The following LIPI variants were observed in gnomAD, a reference collection of about 807,000 sequenced individuals.
The protein encoded by LIPI is lipase member I.
A neutral mutation model predicts 50.6 loss-of-function variants in LIPI; 59 were observed. That is an observed-to-expected ratio of 1.16 (90% CI 0.94 to 1.45). LIPI has a LOEUF of 1.45. Ranked by LOEUF, LIPI falls within the 40% of genes most tolerant of loss-of-function variation. The pLI is 0.00. For missense variants in LIPI, 586 were observed against 536.3 expected (o/e 1.09, Z -0.92); for synonymous variants, 203 against 178.2 (o/e 1.14, Z -1.11).
At chr21:14,144,009 A>C (rs2822430) in intron 9 of LIPI, 51,050 of 172,538 alleles carry the variant, frequency 0.3, 7,959 homozygotes, top group Middle Eastern at 0.35. Context: ...GGTGACTATA[A>C]AACTGCAATG....
chr21:14,144,714 A>G lies in LIPI; in HGVS notation c.1204T>C (p.Leu402=), dbSNP rs201730718. The G allele has an allele frequency of 6.2e-5, 97 of 1,572,018 alleles. No individual in the cohort carries two copies. Among genetic ancestry groups the G allele is most frequent in the South Asian group, 1.1e-5 (1 of 90,192 alleles). The part of the protein sequence containing the change: ...NDFVNISSIG[L]TYFQSSNLQC... Reference sequence around the variant, plus strand: ...AGATTTGAGCTCTGGAAATATGTCAAACCAATGCTTGAAATATTTACAAAG... The same window carrying G: ...AGATTTGAGCTCTGGAAATATGTCAGACCAATGCTTGAAATATTTACAAAG... The change falls in exon 9 of 10, where the codon TTG becomes CTG. Residue 402 remains leucine, a synonymous_variant. Coordinates refer to ENST00000681601, the MANE Select transcript of LIPI (RefSeq NM_001302998.2).
At chr21:14,168,683 C>G (rs1384123853) in intron 4 of LIPI, among the ~76,000 whole-genome samples, 1 of 152,068 alleles carries the variant, frequency 6.6e-6, no homozygotes, top group Non-Finnish European at 1.5e-5. Flanking sequence ...TTTGTCACCA[C>G]CAGGCCTGCC....
At chr21:14,139,188 C>T (rs1244649953) in intron 9 of LIPI, among the ~76,000 whole-genome samples, 2 of 151,686 alleles carry the variant, frequency 1.3e-5, no homozygotes, top group East Asian at 3.9e-4. Context: ...TATACTATAC[C>T]CAGTATACAA....
rs190997776 is a variant in LIPI at position 14,156,605 on chromosome 21, G to A, written c.1007-3921C>T. 1.7e-3 allele frequency among the ~76,000 whole-genome samples: 259 copies of A among 152,010 alleles called. 1 individual carries two copies. Among genetic ancestry groups the A allele is most frequent in the Admixed American group, 3.2e-3 (48 of 15,204 alleles). On this transcript the variant is annotated intron_variant, in intron 7 of 9. Coordinates refer to ENST00000681601, the MANE Select transcript of LIPI (RefSeq NM_001302998.2). The stretch of plus-strand genomic sequence containing the variant: ...TGTGTTGTTTTAAGCCACCAAATTT[G>A]TGGTAATTTGTTAGTGTAGTTATAG...
chr21:14,194,643 GA>G (rs1265748267), intron 1 of LIPI, among the ~76,000 whole-genome samples: 1 of 150,916 alleles, frequency 6.6e-6, no homozygotes, highest in East Asian at 1.9e-4. Context: ...TGGGCTGAGG[GA>G]AAAGGGGAAA....
chr21:14,136,999 A>G (rs1019207588), intron 9 of LIPI, among the ~76,000 whole-genome samples: 2 of 152,082 alleles, frequency 1.3e-5, no homozygotes, highest in Non-Finnish European at 2.9e-5. Context: ...GTCTCCAAGA[A>G]CCACAGCATT....
intron 7 of LIPI, among the ~76,000 whole-genome samples, chr21:14,160,493 T>TAAATAG (rs1182655368): frequency 6.6e-6 from 1 of 151,110 alleles, no homozygotes; most frequent in Non-Finnish European, 1.5e-5. Context: ...TAAAAAAAAC[T>TAAATAG]AAATAGAAAT....
At chr21:14,191,395 A>C (rs570172610) in intron 1 of LIPI, among the ~76,000 whole-genome samples, 14 of 150,126 alleles carry the variant, frequency 9.3e-5, no homozygotes, top group Non-Finnish European at 1.8e-4. Context: ...AAAAAAAAAG[A>C]AAATGGAAAT....
At chr21:14,169,240 T>G (rs2018804936) in intron 4 of LIPI, among the ~76,000 whole-genome samples, 1 of 152,096 alleles carries the variant, frequency 6.6e-6, no homozygotes, top group Non-Finnish European at 1.5e-5. Flanking sequence ...ACAAAGAGAC[T>G]TAGACTCCCA....
chr21:14,108,958 T>A lies in LIPI; in HGVS notation c.*35A>T, dbSNP rs982195963. 6.2e-7 allele frequency: 1 copy of A among 1,610,104 alleles called. No individual in the cohort carries two copies. Among genetic ancestry groups the A allele is most frequent in the Non-Finnish European group, 8.5e-7 (1 of 1,177,174 alleles). ...ATTGTTTCATTTACAAGTCCATTAA[T>A]TCACAAGCAAGTGCATTTGATGGAA... On this transcript the variant is annotated 3_prime_UTR_variant, in exon 10 of 10. Coordinates refer to ENST00000681601, the MANE Select transcript of LIPI (RefSeq NM_001302998.2).
At chr21:14,133,602 G>A (rs1360939623) in intron 9 of LIPI, among the ~76,000 whole-genome samples, 4 of 152,042 alleles carry the variant, frequency 2.6e-5, no homozygotes, top group South Asian at 2.1e-4. Context: ...CTTATTCAAC[G>A]CAGTACTGTA....
intron 9 of LIPI, among the ~76,000 whole-genome samples, chr21:14,112,222 C>T (rs918979087): frequency 6.6e-6 from 1 of 152,078 alleles, no homozygotes; most frequent in African/African-American, 2.4e-5. Flanking sequence ...CAGTATTATA[C>T]TACTTTGGTT....
intron 9 of LIPI, among the ~76,000 whole-genome samples, chr21:14,136,975 T>A (rs562654483): frequency 1.7e-4 from 26 of 152,216 alleles, no homozygotes; most frequent in African/African-American, 5.3e-4. Context: ...ACCATCAAGG[T>A]GGTACCTCTA....
At chr21:14,174,225 C>T (rs1186700718) in intron 4 of LIPI, among the ~76,000 whole-genome samples, 51 of 152,102 alleles carry the variant, frequency 3.4e-4, no homozygotes, top group Admixed American at 3.3e-3. Flanking sequence ...TGTCATTTCC[C>T]TTTTATCAGA....
At chr21:14,169,614 C>G (rs1342643604) in intron 4 of LIPI, among the ~76,000 whole-genome samples, 2 of 152,324 alleles carry the variant, frequency 1.3e-5, no homozygotes, top group Non-Finnish European at 1.5e-5. Flanking sequence ...TGAATGACTA[C>G]TGGGTACATA....
chr21:14,112,117 G>C (rs565609842), intron 9 of LIPI, among the ~76,000 whole-genome samples: 77 of 152,018 alleles, frequency 5.1e-4, no homozygotes, highest in South Asian at 4.1e-3. Context: ...TGTGCTCTTG[G>C]AACCTTTGTT....
At chr21:14,124,422 G>A (rs185134337) in intron 9 of LIPI, among the ~76,000 whole-genome samples, 8 of 151,956 alleles carry the variant, frequency 5.3e-5, no homozygotes, top group South Asian at 4.2e-4. Flanking sequence ...CCCCGACCCC[G>A]CCCCGGTAGA....
chr21:14,196,097 T>C (rs443109), intron 1 of LIPI, among the ~76,000 whole-genome samples: 25,906 of 147,770 alleles, frequency 0.18, 2,718 homozygotes, highest in South Asian at 0.28. Flanking sequence ...AATAAAAACA[T>C]GTCCTTACCA....
chr21:14,168,234 C>T (rs1299249287), intron 4 of LIPI, among the ~76,000 whole-genome samples: 3 of 152,158 alleles, frequency 2.0e-5, no homozygotes, highest in Non-Finnish European at 4.4e-5. Flanking sequence ...AAATCTACAT[C>T]TGATTGGTGT....
Sources: allele counts gnomAD v4.1 joint callset (sites outside exome capture counted in the v4.1 genomes callset), GRCh38; gene constraint gnomAD v4.1.1; transcripts MANE v1.5; gene names NCBI Gene and HGNC (gene_info 2026-07-23, HGNC 2026-07-21).